AKNA: variants seen among roughly 807,000 people sequenced by gnomAD.
The protein encoded by AKNA is microtubule organization protein AKNA.
Under a neutral mutation model 138.8 loss-of-function variants are expected in AKNA, and 67 were observed. The observed-to-expected ratio is 0.48, with a 90% CI of 0.40 to 0.59. The LOEUF is 0.59. Among genes scored for constraint, AKNA ranks in the 20% least tolerant of loss-of-function variants. The probability of loss-of-function intolerance (pLI) is 0.00; values close to 1 mark genes in which losing one functional copy is unlikely to be tolerated. For missense variants in AKNA, 1,813 were observed against 1,880.4 expected (o/e 0.96, Z 0.66); for synonymous variants, 737 against 754.4 (o/e 0.98, Z 0.38).
Position 114,368,605 on chromosome 9 carries a change from C to A in AKNA, c.1417-10G>T, listed in dbSNP as rs902235584. The A allele has an allele frequency of 2.1e-5, 29 of 1,364,002 alleles. No homozygotes were observed. The highest frequency in any genetic ancestry group is 2.7e-5 in the Non-Finnish European group (28 of 1,050,420). 84.5% of individuals were successfully genotyped at this position (1,364,002 alleles called of 1,614,324 possible). ...CAGAGAACAGGTTCACCTGTGGAAG[C>A]AGGGAGGCACAGCACAGCCAAGTCA... is the stretch of plus-strand genomic sequence containing the variant. On this transcript the variant is annotated splice_polypyrimidine_tract_variant and intron_variant, in intron 4 of 21. Transcript: ENST00000374088.
chr9:114,343,909 TC>T, intron 18 of AKNA, 106 bp from the exon 19 acceptor site: 5 of 988,464 alleles, frequency 5.1e-6, no homozygotes, highest in Admixed American at 2.6e-5. Flanking sequence ...GTTTTAATAG[TC>T]TCTGTCTCTC....
At chr9:114,372,642 C>T (rs189325084) in intron 4 of AKNA, among the ~76,000 whole-genome samples, 1 of 152,308 alleles carries the variant, frequency 6.6e-6, no homozygotes, top group East Asian at 1.9e-4. Flanking sequence ...CCAACGGGAG[C>T]CCCAGTTTCC....
intron 19 of AKNA, 127 bp from the exon 20 acceptor site, chr9:114,342,252 C>T (rs751046969): frequency 3.3e-5 from 21 of 630,064 alleles, no homozygotes; most frequent in Non-Finnish European, 5.1e-5. Context: ...AAGCTGCCTC[C>T]ATCTGGGTGA....
At chr9:114,389,433 A>G (rs1834249615), upstream of AKNA, among the ~76,000 whole-genome samples, 1 of 152,168 alleles carries the variant, frequency 6.6e-6, no homozygotes, top group Non-Finnish European at 1.5e-5. Flanking sequence ...GGAGAGAAAA[A>G]AATCTCAGAG....
upstream of AKNA, among the ~76,000 whole-genome samples, chr9:114,395,824 A>G (rs959573635): frequency 6.6e-6 from 1 of 151,726 alleles, no homozygotes; most frequent in Non-Finnish European, 1.5e-5. Flanking sequence ...CCTTACTGAA[A>G]TTGGCCATGC....
At position 114,376,663 on chromosome 9, in the gene AKNA, T is replaced by C. The variant is rs1253016765; in HGVS notation, c.1144A>G (p.Arg382Gly). ...GCCTGAGGCTTCCTGTTGTGGCTTC[T>C]GGACTTGGGGGGACGGTAGCTCTCA... is the stretch of plus-strand genomic sequence containing the variant. ...KDESYRPPKSRSHNRKPQAPA... is the reference protein window; with the variant it reads ...KDESYRPPKSGSHNRKPQAPA... Residue 382 changes from arginine (R) to glycine (G), a missense_variant, in exon 3 of 22, where the codon AGA (arginine) becomes GGA (glycine). Coordinates refer to ENST00000374088, the MANE Select transcript of AKNA (RefSeq NM_001317950.2). 1 of 1,613,774 alleles carries C rather than the reference T, an allele frequency of 6.2e-7. No homozygotes were observed. The highest frequency in any genetic ancestry group is 1.3e-5 in the African/African-American group (1 of 75,012).
In AKNA at chr9:114,354,519, T is replaced by C. The variant is rs547675808; in HGVS notation, c.3058+1406A>G. On this transcript the variant is annotated intron_variant, in intron 14 of 21. Coordinates refer to ENST00000374088, the MANE Select transcript of AKNA (RefSeq NM_001317950.2). ...ACGAGGTCAGGAGATCGAGACCATC[T>C]TGGCTAACACGGTGAAACCCCGTCT... Among the ~76,000 whole-genome samples, 6 of 152,080 alleles carry C rather than the reference T, an allele frequency of 3.9e-5. No homozygotes were observed. The South Asian group carries it at 1.2e-3, about 31-fold the overall frequency.
intron 5 of AKNA, 92 bp downstream of exon 5, chr9:114,368,347 C>G (rs1832521366): frequency 7.8e-7 from 1 of 1,280,588 alleles, no homozygotes; most frequent in African/African-American, 1.5e-5. Flanking sequence ...GGCCTGAGGC[C>G]AGCGCCATCC....
chr9:114,352,465 T>A (rs1831193123), intron 14 of AKNA, among the ~76,000 whole-genome samples: 2 of 150,644 alleles, frequency 1.3e-5, no homozygotes, highest in Admixed American at 1.3e-4. Context: ...GACGCAGTGG[T>A]GCATACCTGT....
chr9:114,338,243 A>G (rs1436259985), intron 21 of AKNA, among the ~76,000 whole-genome samples: 1 of 152,264 alleles, frequency 6.6e-6, no homozygotes, highest in Non-Finnish European at 1.5e-5. Context: ...CAGATGATCC[A>G]AACAGACATT....
At chr9:114,348,019 T>C in intron 15 of AKNA, 119 bp from the exon 16 acceptor site, 1 of 1,124,942 alleles carries the variant, frequency 8.9e-7, no homozygotes, top group Non-Finnish European at 1.3e-6. Context: ...AGGGTCTATC[T>C]CTGCTGTCAA....
intron 15 of AKNA, among the ~76,000 whole-genome samples, chr9:114,350,308 A>G (rs1215884697): frequency 6.6e-6 from 1 of 152,188 alleles, no homozygotes. Flanking sequence ...ACCACCGAGC[A>G]GTCTCCCCAG....
intron 19 of AKNA, 31 bp from the exon 20 acceptor site, chr9:114,342,156 G>A: frequency 6.8e-7 from 1 of 1,473,516 alleles, no homozygotes; most frequent in Admixed American, 2.2e-5. Flanking sequence ...GTCAGGGGAG[G>A]ATTACATCTA....
chr9:114,359,786 C>A lies in AKNA; in HGVS notation c.2300G>T (p.Ser767Ile). 2 of 1,599,176 alleles carry A rather than the reference C, an allele frequency of 1.3e-6. No individual in the cohort carries two copies. The highest frequency in any genetic ancestry group is 1.1e-5 in the South Asian group (1 of 88,452). Residue 767 changes from serine to isoleucine, a missense_variant, in exon 11 of 22, where the codon AGT becomes ATT. Coordinates refer to ENST00000374088, the MANE Select transcript of AKNA (RefSeq NM_001317950.2). ...VYHGLMERYL[S>I]VKSLPEAMRM... is the part of the protein sequence containing the mutation. Reference sequence around the variant, plus strand: ...CATGGCTTCTGGGAGAGACTTCACACTGAGGTACCTGCAGAAGAACACACA... The same window carrying A: ...CATGGCTTCTGGGAGAGACTTCACAATGAGGTACCTGCAGAAGAACACACA...
rs762462373 is a variant in AKNA at position 114,337,201 on chromosome 9, G to T, written c.4173C>A (p.Asp1391Glu). Reference sequence around the variant, plus strand: ...TGTTGAGCTCCTCTAGGTCGCCCAGGTCGAGCTGGATGGAGTGCCGGTGTC... The same window carrying T: ...TGTTGAGCTCCTCTAGGTCGCCCAGTTCGAGCTGGATGGAGTGCCGGTGTC... The part of the protein sequence containing the change: ...ARRHRHSIQL[D>E]LGDLEELNKA... The change falls in exon 22 of 22, where the codon GAC becomes GAA. Residue 1391 changes from aspartate (D) to glutamate (E), a missense_variant. Physicochemically the swap from Asp to Glu is conservative, Grantham distance 45. Coordinates refer to ENST00000374088, the MANE Select transcript of AKNA (RefSeq NM_001317950.2). 2 of 1,595,704 alleles carry T rather than the reference G, an allele frequency of 1.3e-6. No individual in the cohort carries two copies.
chr9:114,346,736 A>G lies in AKNA; in HGVS notation c.3447T>C (p.Ile1149=). The change falls in exon 17 of 22, where the codon ATT becomes ATC. Residue 1149 remains isoleucine, a synonymous_variant. Coordinates refer to ENST00000374088, the MANE Select transcript of AKNA (RefSeq NM_001317950.2). ...LPGEPRGEEQ[I]VPPGRQRARS... The stretch of plus-strand genomic sequence containing the variant: ...TGGCTCGCTGCCTTCCTGGAGGGAC[A>G]ATCTGCTCTTCACCTCTAGGCTCAC... 6.2e-7 allele frequency: 1 copy of G among 1,613,302 alleles called. No individual in the cohort carries two copies. Among genetic ancestry groups the G allele is most frequent in the Non-Finnish European group, 8.5e-7 (1 of 1,179,674 alleles).
Position 114,346,765 on chromosome 9 carries a change from G to A in AKNA, c.3418C>T (p.Pro1140Ser), listed in dbSNP as rs1464743515. Residue 1140 changes from proline (P) to serine (S), a missense_variant, in exon 17 of 22, where the codon CCT becomes TCT. Pro to Ser is a moderately conservative substitution (Grantham distance 74, BLOSUM62 -1). Coordinates refer to ENST00000374088, the MANE Select transcript of AKNA (RefSeq NM_001317950.2). ...TGCTCTTCACCTCTAGGCTCACCAG[G>A]CAATCTCTCTGTGGATTTACTAGCA... ...HYGSKSTERL[P>S]GEPRGEEQIV... 2.5e-6 allele frequency: 4 copies of A among 1,612,346 alleles called. No homozygotes were observed. Among genetic ancestry groups the A allele is most frequent in the Non-Finnish European group, 3.4e-6 (4 of 1,179,286 alleles).
At position 114,381,655 on chromosome 9, in the gene AKNA, GTTTTTTTTTTTT is replaced by G. The variant is rs1160552279; in HGVS notation, c.-113-221_-113-210del. ...ATAATAATTCCTCTCTCTCTCCAGG[GTTTTTTTTTTTT>G]TTTTTTTTTTTGAGACACAGTCTCA... On this transcript the variant is annotated intron_variant, in intron 1 of 21. Transcript: ENST00000374088. 1.1e-4 allele frequency among the ~76,000 whole-genome samples: 9 copies of G among 82,910 alleles called. No individual in the cohort carries two copies. In the East Asian group the frequency reaches 2.5e-3, roughly 23 times the overall value. 54.4% of individuals were successfully genotyped at this position (82,910 alleles called of 152,430 possible).
At chr9:114,348,469 G>A (rs1830855540) in intron 15 of AKNA, among the ~76,000 whole-genome samples, 1 of 152,230 alleles carries the variant, frequency 6.6e-6, no homozygotes, top group African/African-American at 2.4e-5. Context: ...TCTGGGCTCT[G>A]AGACGGAGCA....
Sources: allele counts gnomAD v4.1 joint callset (sites outside exome capture counted in the v4.1 genomes callset), GRCh38; gene constraint gnomAD v4.1.1; transcripts MANE v1.5; gene names NCBI Gene and HGNC (gene_info 2026-07-23, HGNC 2026-07-21).